The following THRB variants were observed in gnomAD, a reference collection of about 807,000 sequenced individuals.
THRB encodes the protein nuclear receptor subfamily 1 group A member 2.
In THRB, 12 loss-of-function variants were observed where a neutral mutation model predicts 47.8. The observed-to-expected ratio is 0.25, with a 90% CI of 0.16 to 0.41. THRB has a LOEUF of 0.41. Ranked by LOEUF, THRB falls within the 10% of genes least tolerant of loss-of-function variation. The pLI is 1.00. For synonymous variants in THRB, 218 were observed against 212.2 expected (o/e 1.03, Z -0.24); for missense variants, 348 against 589.2 (o/e 0.59, Z 4.24).
intron 5 of THRB, among the ~76,000 whole-genome samples, chr3:24,167,687 C>T (rs1477546147): frequency 6.6e-6 from 1 of 152,084 alleles, no homozygotes; most frequent in South Asian, 2.1e-4. Flanking sequence ...TGAATCCATT[C>T]GATTTTGCAG....
In THRB at chr3:24,390,713, A is replaced by T. The variant is rs546103365; in HGVS notation, c.-260-53342T>A. ...TTATTGTAGTCAGCTCAGACTTAAG[A>T]CCAACACAGCTGTTTTCTTTTTAGC... On this transcript the variant is annotated intron_variant, in intron 1 of 10. Coordinates refer to ENST00000646209, the MANE Select transcript of THRB (RefSeq NM_001354712.2). 5.3e-5 allele frequency among the ~76,000 whole-genome samples: 8 copies of T among 151,282 alleles called. No individual in the cohort carries two copies. In the East Asian group the frequency reaches 1.6e-3, roughly 29 times the overall value.
intron 4 of THRB, among the ~76,000 whole-genome samples, chr3:24,222,320 G>A (rs2047230283): frequency 6.6e-6 from 1 of 152,212 alleles, no homozygotes; most frequent in African/African-American, 2.4e-5. Context: ...GAGGTCCCAA[G>A]GAAGATCTGT....
intron 9 of THRB, among the ~76,000 whole-genome samples, chr3:24,132,954 T>C (rs1486615064): frequency 6.6e-6 from 1 of 152,214 alleles, no homozygotes; most frequent in East Asian, 1.9e-4. Context: ...CAAGCAACCC[T>C]GCAAATCGGT....
chr3:24,164,816 G>C (rs933058178), intron 5 of THRB, among the ~76,000 whole-genome samples: 2 of 152,110 alleles, frequency 1.3e-5, no homozygotes, highest in African/African-American at 2.4e-5. Flanking sequence ...ACTCACTCCA[G>C]CTTTCAAAGA....
chr3:24,229,155 G>GTGA (rs1429626481), intron 3 of THRB, among the ~76,000 whole-genome samples, 154 bp from the exon 4 acceptor site: 1 of 152,226 alleles, frequency 6.6e-6, no homozygotes, highest in East Asian at 1.9e-4. Context: ...GGTGGGCTAT[G>GTGA]TGATATGTGT....
chr3:24,390,797 A>AAAAAAATAT (rs5847290), intron 1 of THRB, among the ~76,000 whole-genome samples: 45 of 137,846 alleles, frequency 3.3e-4, no homozygotes, highest in Admixed American at 1.1e-3. Flanking sequence ...AAAAAAAAAA[A>AAAAAAATAT]ATATATATAT....
intron 5 of THRB, among the ~76,000 whole-genome samples, chr3:24,178,867 T>C (rs575883376): frequency 6.6e-6 from 1 of 152,284 alleles, no homozygotes; most frequent in Admixed American, 6.5e-5. Context: ...GATAAGGATA[T>C]AGGTGATAGA....
intron 5 of THRB, among the ~76,000 whole-genome samples, chr3:24,170,145 T>A (rs1333346848): frequency 6.6e-6 from 1 of 152,140 alleles, no homozygotes; most frequent in Non-Finnish European, 1.5e-5. Context: ...CTAAAACCTG[T>A]TCCTCTCACA....
chr3:24,149,448 C>T (rs1230938316), intron 6 of THRB, among the ~76,000 whole-genome samples: 1 of 152,184 alleles, frequency 6.6e-6, no homozygotes, highest in Non-Finnish European at 1.5e-5. Flanking sequence ...CCACGCTAAG[C>T]AGAGAATGAG....
intron 4 of THRB, among the ~76,000 whole-genome samples, chr3:24,223,922 C>T (rs1362460740): frequency 6.6e-6 from 1 of 151,738 alleles, no homozygotes; most frequent in Admixed American, 6.6e-5. Flanking sequence ...AATTTATAAT[C>T]AATAAGAAAA....
intron 1 of THRB, among the ~76,000 whole-genome samples, chr3:24,422,117 T>C (rs1157672306): frequency 6.6e-6 from 1 of 151,938 alleles, no homozygotes; most frequent in Non-Finnish European, 1.5e-5. Flanking sequence ...CAAAGGGAAA[T>C]TGGACAAAGT....
chr3:24,203,281 G>C (rs984174440), intron 4 of THRB, among the ~76,000 whole-genome samples: 2 of 152,126 alleles, frequency 1.3e-5, no homozygotes, highest in African/African-American at 4.8e-5. Context: ...GGGTGTGGTG[G>C]CACACACCTG....
At chr3:24,342,220 A>G (rs1576986519) in intron 1 of THRB, among the ~76,000 whole-genome samples, 2 of 152,258 alleles carry the variant, frequency 1.3e-5, no homozygotes, top group South Asian at 2.1e-4. Context: ...GCAAATATCC[A>G]TCAAACACCA....
At chr3:24,161,617 AACACACACACACACACACAC>A (rs58600238) in intron 5 of THRB, among the ~76,000 whole-genome samples, 3 of 141,100 alleles carry the variant, frequency 2.1e-5, no homozygotes, top group South Asian at 2.4e-4. Context: ...AGAGCTACAG[AACACACACACACACACACAC>A]ACACACACAC....
Position 24,283,836 on chromosome 3 carries a change from A to T in THRB, c.-43+13390T>A, listed in dbSNP as rs1169112682. On this transcript the variant is annotated intron_variant, in intron 3 of 10. Coordinates refer to ENST00000646209, the MANE Select transcript of THRB (RefSeq NM_001354712.2). ...GAGTGAACTCCCATTCACAATTGCT[A>T]CAAAGAGAATAAAATACCTAGGAAT... is the stretch of plus-strand genomic sequence containing the variant. Among the ~76,000 whole-genome samples, 141 of 151,466 alleles carry T rather than the reference A, an allele frequency of 9.3e-4. 1 individual carries two copies. The East Asian group carries it at 0.016, about 18-fold the overall frequency.
chr3:24,220,935 T>A (rs1009754925), intron 4 of THRB, among the ~76,000 whole-genome samples: 4 of 152,200 alleles, frequency 2.6e-5, no homozygotes, highest in African/African-American at 9.6e-5. Flanking sequence ...CTTCACCACA[T>A]TGGCTTCAGC....
chr3:24,199,968 C>G (rs1369150155), intron 4 of THRB, among the ~76,000 whole-genome samples: 2 of 152,144 alleles, frequency 1.3e-5, no homozygotes, highest in African/African-American at 4.8e-5. Context: ...CCGGAGGACA[C>G]AATGGAATCC....
chr3:24,478,821 G>A (rs1304071517), intron 1 of THRB, among the ~76,000 whole-genome samples: 1 of 152,186 alleles, frequency 6.6e-6, no homozygotes, highest in African/African-American at 2.4e-5. Flanking sequence ...AAAGCTTAGG[G>A]GGTGGGGAGA....
chr3:24,311,340 A>G (rs1199536915), intron 2 of THRB, among the ~76,000 whole-genome samples: 1 of 152,178 alleles, frequency 6.6e-6, no homozygotes, highest in East Asian at 1.9e-4. Context: ...TGAAAGAAGA[A>G]CTTGCTTGAC....
Sources: allele counts gnomAD v4.1 joint callset (sites outside exome capture counted in the v4.1 genomes callset), GRCh38; gene constraint gnomAD v4.1.1; transcripts MANE v1.5; gene names NCBI Gene and HGNC (gene_info 2026-07-23, HGNC 2026-07-21).